XPNPEP3: variants seen among roughly 807,000 people sequenced by gnomAD.
XPNPEP3 encodes X-prolyl aminopeptidase 3, also known as xaa-Pro aminopeptidase 3.
A neutral mutation model predicts 60.0 loss-of-function variants in XPNPEP3; 41 were observed. That is an observed-to-expected ratio of 0.68 (90% confidence interval 0.53 to 0.89). The LOEUF is 0.89. XPNPEP3 is among the 40% of genes least tolerant of loss of function. The pLI is 0.00. For missense variants in XPNPEP3, 598 were observed against 638.9 expected, an observed-to-expected ratio of 0.94 and a Z score of 0.69; for synonymous variants, 212 against 223.2, an observed-to-expected ratio of 0.95 and a Z score of 0.45.
At chr22:40,918,324 T>C (rs985320883) in intron 7 of XPNPEP3, among the ~76,000 whole-genome samples, 2 of 152,154 alleles carry the variant, frequency 1.3e-5, no homozygotes, top group African/African-American at 4.8e-5. Context: ...CGGTGAACTA[T>C]GATCACATCA....
intron 6 of XPNPEP3, among the ~76,000 whole-genome samples, chr22:40,911,384 A>G (rs1020517973): frequency 3.3e-5 from 5 of 152,264 alleles, no homozygotes; most frequent in Admixed American, 6.5e-5. Flanking sequence ...AGAAAAATTA[A>G]TAGTCTCATT....
chr22:40,872,910 A>G (rs2058012023), intron 2 of XPNPEP3, among the ~76,000 whole-genome samples: 1 of 152,092 alleles, frequency 6.6e-6, no homozygotes, highest in Admixed American at 6.6e-5. Context: ...AACGGGAAGA[A>G]TCAGTGGAAT....
rs779554319 is a variant in XPNPEP3, at chr22:40,924,416, C to T, written c.1291C>T (p.His431Tyr). ...TGGCCACTACCTCGGGATGGATGTC[C>T]ATGACACTCCAGACATGCCCCGTTC... ...HVGHYLGMDV[H>Y]DTPDMPRSLP... is the part of the protein sequence containing the mutation. The change falls in exon 9 of 10, where the codon CAT (histidine) becomes TAT (tyrosine). Residue 431 changes from histidine (H) to tyrosine (Y), a missense_variant. His to Tyr is a moderately conservative substitution (Grantham distance 83, BLOSUM62 2). Transcript: ENST00000357137. 6.2e-7 allele frequency: 1 copy of T among 1,614,126 alleles called. No individual in the cohort carries two copies. Among genetic ancestry groups the T allele is most frequent in the South Asian group, 1.1e-5 (1 of 91,080 alleles).
intron 4 of XPNPEP3, among the ~76,000 whole-genome samples, chr22:40,892,980 T>C (rs1385745721): frequency 2.0e-5 from 3 of 151,924 alleles, no homozygotes; most frequent in Admixed American, 6.6e-5. Context: ...TGTCATCATA[T>C]TCTGGTAACC....
intron 1 of XPNPEP3, chr22:40,861,821 A>T: frequency 6.2e-7 from 1 of 1,611,766 alleles, no homozygotes; most frequent in Non-Finnish European, 8.5e-7. Context: ...GTTTCTCATC[A>T]TTTGATAATA....
At chr22:40,886,847 GAAA>G (rs1220447793) in intron 4 of XPNPEP3, among the ~76,000 whole-genome samples, 1 of 147,240 alleles carries the variant, frequency 6.8e-6, no homozygotes, top group Non-Finnish European at 1.5e-5. Flanking sequence ...AAAAAAACAA[GAAA>G]AAAAGAAAAA....
At chr22:40,903,878 A>T (rs1321036836) in intron 4 of XPNPEP3, among the ~76,000 whole-genome samples, 16 of 51,152 alleles carry the variant, frequency 3.1e-4, no homozygotes, top group East Asian at 2.2e-3. Flanking sequence ...TCTCTGTCAC[A>T]CACACACACA....
At chr22:40,907,834 G>A (rs1265684046) in intron 5 of XPNPEP3, among the ~76,000 whole-genome samples, 185 bp downstream of exon 5, 1 of 152,170 alleles carries the variant, frequency 6.6e-6, no homozygotes, top group Non-Finnish European at 1.5e-5. Flanking sequence ...ATTAAAGGAA[G>A]AAAATTGCAA....
At chr22:40,858,757 C>G (rs528716659) in intron 1 of XPNPEP3, among the ~76,000 whole-genome samples, 1 of 151,980 alleles carries the variant, frequency 6.6e-6, no homozygotes, top group Non-Finnish European at 1.5e-5. Flanking sequence ...GTTTTGAACC[C>G]CTGACCTCGT....
chr22:40,873,011 G>A (rs2058012545), intron 2 of XPNPEP3, among the ~76,000 whole-genome samples: 1 of 151,774 alleles, frequency 6.6e-6, no homozygotes, highest in Admixed American at 6.6e-5. Context: ...TTTAAAAAGG[G>A]CTACTCAGGG....
At chr22:40,914,740 T>A (rs2058189711) in intron 7 of XPNPEP3, among the ~76,000 whole-genome samples, 1 of 151,876 alleles carries the variant, frequency 6.6e-6, no homozygotes, top group African/African-American at 2.4e-5. Context: ...AGACATTTTT[T>A]AAAAAATAAA....
At position 40,861,147 on chromosome 22, in the gene XPNPEP3, G is replaced by A. The variant is rs369186384; in HGVS notation, c.64+3902G>A. 5.6e-6 allele frequency: 9 copies of A among 1,613,856 alleles called. No homozygotes were observed. In the African/African-American group the frequency reaches 1.1e-4, roughly 19 times the overall value. On this transcript the variant is annotated intron_variant, in intron 1 of 9. Transcript: ENST00000357137. ...CTTACCACCCTCTTTGACTCCTGCT[G>A]AGAAAATAGGGGGATCTCTGTTGCT...
At chr22:40,882,836 T>G in intron 3 of XPNPEP3, among the ~76,000 whole-genome samples, 1 of 152,074 alleles carries the variant, frequency 6.6e-6, no homozygotes, top group Non-Finnish European at 1.5e-5. Flanking sequence ...TTTAGAACAT[T>G]TCAATTAAAA....
At chr22:40,901,529 C>T (rs1045211675) in intron 4 of XPNPEP3, among the ~76,000 whole-genome samples, 5 of 152,192 alleles carry the variant, frequency 3.3e-5, no homozygotes, top group African/African-American at 9.7e-5. Context: ...GCCACCACGC[C>T]GGGCCTATTT....
At chr22:40,920,939 T>C (rs1569032758) in intron 7 of XPNPEP3, among the ~76,000 whole-genome samples, 1 of 152,140 alleles carries the variant, frequency 6.6e-6, no homozygotes, top group Non-Finnish European at 1.5e-5. Context: ...ATTACAGACA[T>C]GCACCACCAT....
At position 40,870,678 on chromosome 22, in the gene XPNPEP3, G is replaced by A. The variant is rs1014338749; in HGVS notation, c.181+1563G>A. Among the ~76,000 whole-genome samples the A allele has an allele frequency of 7.2e-5, 11 of 152,098 alleles. 1 individual carries two copies. The highest frequency in any genetic ancestry group is 5.9e-4 in the Admixed American group (9 of 15,270). On this transcript the variant is annotated intron_variant, in intron 2 of 9. Transcript: ENST00000357137. ...CTCCTTCCAGAGATGCAAAACTTGT[G>A]GAAGTGTTAAAGTGATTGTAGGGTG...
At chr22:40,885,863 TC>T (rs2058066449) in intron 3 of XPNPEP3, among the ~76,000 whole-genome samples, 1 of 152,082 alleles carries the variant, frequency 6.6e-6, no homozygotes, top group Non-Finnish European at 1.5e-5. Context: ...GCACCTGTAG[TC>T]CCAGCTACTT....
intron 1 of XPNPEP3, 30 bp downstream of exon 1, chr22:40,857,275 A>G (rs774551114): frequency 9.3e-6 from 15 of 1,613,218 alleles, no homozygotes; most frequent in Non-Finnish European, 1.3e-5. Flanking sequence ...GTCTCCTCCC[A>G]TGGTGTCCCC....
intron 9 of XPNPEP3, 36 bp downstream of exon 9, chr22:40,924,518 A>ATGTT (rs541190297): frequency 1.5e-4 from 245 of 1,612,598 alleles, no homozygotes; most frequent in Admixed American, 1.1e-3. Flanking sequence ...TATGAGGTAA[A>ATGTT]TGTTTGTTTG....
Sources: gnomAD v4.1 joint callset for allele counts (sites outside exome capture counted in the v4.1 genomes callset) on GRCh38, gnomAD v4.1.1 for gene constraint, MANE v1.5 for transcripts, NCBI Gene and HGNC (gene_info 2026-07-23, HGNC 2026-07-21) for gene names.